RAB8B: variants seen among roughly 807,000 people sequenced by gnomAD.
RAB8B encodes ras-related protein Rab-8B.
In RAB8B, 11 loss-of-function variants were observed where a neutral mutation model predicts 32.0. The ratio of observed to expected loss-of-function variants is 0.34; its 90% CI spans 0.22 to 0.57. The LOEUF is 0.57. Among genes scored for constraint, RAB8B ranks in the 20% least tolerant of loss-of-function variants. The pLI is 0.86. For missense variants in RAB8B, 190 were observed against 258.5 expected (o/e 0.73, Z 1.82); for synonymous variants, 103 against 89.6 (o/e 1.15, Z -0.85).
chr15:63,206,223 C>T (rs1457883041), intron 1 of RAB8B, among the ~76,000 whole-genome samples: 1 of 151,938 alleles, frequency 6.6e-6, no homozygotes, highest in African/African-American at 2.4e-5. Flanking sequence ...CTTTTTTTAC[C>T]CAGAGTATTT....
Position 63,266,991 on chromosome 15 carries a change from A to G in RAB8B, c.*3372A>G, listed in dbSNP as rs1162682705. ...ATAAATTTTAAGCACTCATTTCTGC[A>G]ATCAGGTTTCTCAGAATTTTTTTTT... On this transcript the variant is annotated 3_prime_UTR_variant, in exon 8 of 8. Transcript: ENST00000321437. 6.6e-6 allele frequency: 1 copy of G among 152,606 alleles called. No homozygotes were observed. Among genetic ancestry groups the G allele is most frequent in the African/African-American group, 2.4e-5 (1 of 41,428 alleles). 9.5% of individuals were successfully genotyped at this position (152,606 alleles called of 1,614,324 possible).
chr15:63,207,908 C>T (rs1056642454), intron 1 of RAB8B, among the ~76,000 whole-genome samples: 2 of 152,066 alleles, frequency 1.3e-5, no homozygotes, highest in Non-Finnish European at 2.9e-5. Context: ...AAGTCCTTTC[C>T]ATTCTTTCTT....
intron 1 of RAB8B, among the ~76,000 whole-genome samples, chr15:63,209,407 A>G (rs992619391): frequency 4.0e-5 from 6 of 151,888 alleles, no homozygotes; most frequent in Non-Finnish European, 7.4e-5. Flanking sequence ...ACTGGCCAAC[A>G]TGGTGAAACC....
intron 5 of RAB8B, among the ~76,000 whole-genome samples, chr15:63,258,551 A>G (rs1005452162): frequency 2.6e-5 from 4 of 152,248 alleles, no homozygotes; most frequent in African/African-American, 9.6e-5. Flanking sequence ...AGAATTGGAC[A>G]AAATGCACAC....
chr15:63,239,188 A>C (rs2038009994), intron 1 of RAB8B, among the ~76,000 whole-genome samples: 1 of 152,192 alleles, frequency 6.6e-6, no homozygotes, highest in Non-Finnish European at 1.5e-5. Flanking sequence ...TGCTATTTGC[A>C]GCTGAAAGCA....
intron 1 of RAB8B, among the ~76,000 whole-genome samples, chr15:63,222,699 G>A (rs961549168): frequency 2.6e-5 from 4 of 152,026 alleles, no homozygotes; most frequent in African/African-American, 7.2e-5. Context: ...CACGACACCC[G>A]ACTAATTTTT....
At chr15:63,240,017 A>AT (rs1471704676) in intron 1 of RAB8B, among the ~76,000 whole-genome samples, 1 of 152,136 alleles carries the variant, frequency 6.6e-6, no homozygotes, top group Non-Finnish European at 1.5e-5. Context: ...TGAGGTGGTC[A>AT]TGCAGGAGTG....
At chr15:63,206,813 C>A (rs550440558) in intron 1 of RAB8B, among the ~76,000 whole-genome samples, 35 of 152,082 alleles carry the variant, frequency 2.3e-4, no homozygotes, top group African/African-American at 6.3e-4. Context: ...AAGTCTTGTC[C>A]CCCATCTCCT....
intron 1 of RAB8B, among the ~76,000 whole-genome samples, chr15:63,229,498 A>G (rs2037916583): frequency 6.6e-6 from 1 of 152,058 alleles, no homozygotes; most frequent in Non-Finnish European, 1.5e-5. Flanking sequence ...CCAGTATTTG[A>G]AAAGAAGGCA....
rs975582244 is a variant in RAB8B at position 63,212,197 on chromosome 15, C to T, written c.124+22449C>T. ...CCTCCTGAATTGATGTAGAGGCATCCTTGATGTATAACAAGCAGAGCATGC... is the reference window on the plus strand; with the variant it reads ...CCTCCTGAATTGATGTAGAGGCATCTTTGATGTATAACAAGCAGAGCATGC... On this transcript the variant is annotated intron_variant, in intron 1 of 7. Transcript: ENST00000321437. Among the ~76,000 whole-genome samples, 4 of 152,178 alleles carry T rather than the reference C, an allele frequency of 2.6e-5. No homozygotes were observed. In the East Asian group the frequency reaches 7.7e-4, roughly 29 times the overall value.
rs75447659 is a variant in RAB8B at position 63,198,427 on chromosome 15, C to T, written c.124+8679C>T. 2.6e-3 allele frequency among the ~76,000 whole-genome samples: 395 copies of T among 152,050 alleles called. 9 individuals carry two copies. The East Asian group carries it at 0.063, about 24-fold the overall frequency. On this transcript the variant is annotated intron_variant, in intron 1 of 7. Transcript: ENST00000321437. ...ACACTCTGCTTGTTATCATGTTCAT[C>T]GTATTTAGGCTGGCTACCACTGAGA...
At chr15:63,227,039 G>A (rs560382853) in intron 1 of RAB8B, among the ~76,000 whole-genome samples, 47 of 152,162 alleles carry the variant, frequency 3.1e-4, no homozygotes, top group Non-Finnish European at 5.9e-4. Context: ...CACTCTTGTG[G>A]CCATTTTGGT....
intron 1 of RAB8B, among the ~76,000 whole-genome samples, chr15:63,215,715 A>ATTG (rs1367362652): frequency 1.3e-5 from 2 of 152,212 alleles, no homozygotes; most frequent in Non-Finnish European, 2.9e-5. Context: ...CAGAAGAAAG[A>ATTG]GCAACTATAT....
intron 3 of RAB8B, among the ~76,000 whole-genome samples, chr15:63,252,954 G>A (rs2038129220): frequency 1.3e-5 from 2 of 152,180 alleles, no homozygotes; most frequent in South Asian, 4.1e-4. Flanking sequence ...CCCCATGTTG[G>A]CCGGGCTGGT....
At chr15:63,262,052 AGAGT>A (rs944694389) in intron 6 of RAB8B, among the ~76,000 whole-genome samples, 5 of 152,348 alleles carry the variant, frequency 3.3e-5, no homozygotes, top group East Asian at 3.9e-4. Flanking sequence ...TTCAGCTATA[AGAGT>A]GAGAGCAATT....
chr15:63,255,386 C>T, intron 3 of RAB8B, 121 bp from the exon 4 acceptor site: 10 of 580,440 alleles, frequency 1.7e-5, no homozygotes, highest in South Asian at 3.6e-5. Context: ...TATTATGAAC[C>T]CTTTTTAAAG....
chr15:63,201,583 T>C (rs2037650772), intron 1 of RAB8B, among the ~76,000 whole-genome samples: 2 of 152,332 alleles, frequency 1.3e-5, no homozygotes, highest in South Asian at 4.1e-4. Context: ...AGGGAGCCAC[T>C]GTAGGATCAT....
Position 63,237,576 on chromosome 15 carries a change from G to C in RAB8B, c.125-7180G>C, listed in dbSNP as rs546688088. Among the ~76,000 whole-genome samples, 20 of 152,200 alleles carry C rather than the reference G, an allele frequency of 1.3e-4. No homozygotes were observed. The South Asian group carries it at 3.9e-3, about 30-fold the overall frequency. On this transcript the variant is annotated intron_variant, in intron 1 of 7. Transcript: ENST00000321437. ...AGGTCTTCTGCTCATTTTAAAATCA[G>C]ATTATAAGATTTTTTCCTGTAGAGC...
At chr15:63,251,760 T>G (rs2152581127) in intron 3 of RAB8B, among the ~76,000 whole-genome samples, 1 of 152,146 alleles carries the variant, frequency 6.6e-6, no homozygotes, top group South Asian at 2.1e-4. Context: ...GGTGAATCAG[T>G]GGGAAATTTT....
Sources: allele counts gnomAD v4.1 joint callset (sites outside exome capture counted in the v4.1 genomes callset), GRCh38; gene constraint gnomAD v4.1.1; transcripts MANE v1.5; gene names NCBI Gene and HGNC (gene_info 2026-07-23, HGNC 2026-07-21).